The following TMEM108 variants were observed in gnomAD, a reference collection of about 807,000 sequenced individuals.
The protein encoded by TMEM108 is transmembrane protein 108.
In TMEM108, 12 loss-of-function variants were observed where a neutral mutation model predicts 35.1. The ratio of observed to expected loss-of-function variants is 0.34; its 90% CI spans 0.22 to 0.55. TMEM108 has a LOEUF of 0.55. Ranked by LOEUF, TMEM108 falls within the 20% of genes least tolerant of loss-of-function variation. The pLI is 0.89. For missense variants in TMEM108, 680 were observed against 753.3 expected (o/e 0.90, Z 1.14); for synonymous variants, 287 against 308.6 (o/e 0.93, Z 0.73).
At chr3:133,329,735 A>C (rs138078265) in intron 3 of TMEM108, among the ~76,000 whole-genome samples, 2 of 152,336 alleles carry the variant, frequency 1.3e-5, no homozygotes, top group African/African-American at 4.8e-5. Context: ...GAGCAGGAGA[A>C]AAAGCAAATT....
chr3:133,044,934 G>C (rs1943317015), intron 1 of TMEM108, among the ~76,000 whole-genome samples: 1 of 150,934 alleles, frequency 6.6e-6, no homozygotes, highest in African/African-American at 2.4e-5. Context: ...GTGAGACCCT[G>C]TCTCTTAAAA....
chr3:133,301,401 T>C (rs1947223194), intron 3 of TMEM108, among the ~76,000 whole-genome samples: 1 of 152,178 alleles, frequency 6.6e-6, no homozygotes, highest in Non-Finnish European at 1.5e-5. Context: ...GCTCACCTCA[T>C]AGGTTTAACC....
intron 2 of TMEM108, among the ~76,000 whole-genome samples, chr3:133,080,229 C>T (rs930546183): frequency 2.0e-5 from 3 of 152,132 alleles, no homozygotes; most frequent in East Asian, 1.9e-4. Context: ...CCACTGTCTG[C>T]GGCCCCTTCT....
At position 133,201,371 on chromosome 3, in the gene TMEM108, A is replaced by G. The variant is rs28373194; in HGVS notation, c.-46-27895A>G. Among the ~76,000 whole-genome samples, 800 of 152,214 alleles carry G rather than the reference A, an allele frequency of 5.3e-3. 7 individuals are homozygous for G. Among genetic ancestry groups the G allele is most frequent in the African/African-American group, 0.018 (753 of 41,528 alleles). Reference sequence around the variant, plus strand: ...GTGCAGGTTTGTTACATAGGTATACATGTGCCATGGTGGTTTGCTGCACCC... The same window carrying G: ...GTGCAGGTTTGTTACATAGGTATACGTGTGCCATGGTGGTTTGCTGCACCC... On this transcript the variant is annotated intron_variant, in intron 2 of 5. Coordinates refer to ENST00000321871, the MANE Select transcript of TMEM108 (RefSeq NM_023943.4).
chr3:133,251,514 A>C (rs373798900), intron 3 of TMEM108, among the ~76,000 whole-genome samples: 3 of 152,274 alleles, frequency 2.0e-5, no homozygotes. Context: ...ACTCATAGGA[A>C]ATTTCAAAAC....
chr3:133,242,317 G>A (rs903533145), intron 3 of TMEM108, among the ~76,000 whole-genome samples: 1 of 152,148 alleles, frequency 6.6e-6, no homozygotes, highest in African/African-American at 2.4e-5. Context: ...GACACACTTA[G>A]CATAGTGCCG....
chr3:133,044,333 ACTT>A (rs1357132729), intron 1 of TMEM108, among the ~76,000 whole-genome samples: 1 of 152,112 alleles, frequency 6.6e-6, no homozygotes, highest in East Asian at 1.9e-4. Flanking sequence ...AGTCGTGACT[ACTT>A]TGTTTCCTGT....
chr3:133,367,191 C>A (rs907971544), intron 3 of TMEM108, among the ~76,000 whole-genome samples: 1 of 152,194 alleles, frequency 6.6e-6, no homozygotes. Flanking sequence ...GCTTGGAATT[C>A]CAAGCACACA....
At chr3:133,050,838 A>G (rs1454667494) in intron 2 of TMEM108, among the ~76,000 whole-genome samples, 7 of 152,032 alleles carry the variant, frequency 4.6e-5, no homozygotes. Context: ...ATGGTTTGAT[A>G]GCTCATTTCC....
At chr3:133,206,833 C>G (rs983298079) in intron 2 of TMEM108, among the ~76,000 whole-genome samples, 1 of 152,188 alleles carries the variant, frequency 6.6e-6, no homozygotes, top group Non-Finnish European at 1.5e-5. Flanking sequence ...GAGCACTGTG[C>G]TGGGAGATCC....
intron 3 of TMEM108, among the ~76,000 whole-genome samples, chr3:133,338,691 C>T (rs1414184830): frequency 5.9e-5 from 9 of 152,046 alleles, no homozygotes; most frequent in South Asian, 2.1e-4. Flanking sequence ...GTAAACTGCT[C>T]ATATCTTAAA....
rs1945244303 is a variant in TMEM108 at position 133,177,118 on chromosome 3, A to G, written c.-46-52148A>G. Among the ~76,000 whole-genome samples the G allele has an allele frequency of 2.0e-5, 3 of 152,362 alleles. No homozygotes were observed. The South Asian group carries it at 6.2e-4, about 32-fold the overall frequency. On this transcript the variant is annotated intron_variant, in intron 2 of 5. Transcript: ENST00000321871. ...ACACCCTCCCAAGACTAAACCAGGA[A>G]GAAGTTGAATCTCTGAATAGACCAA...
intron 2 of TMEM108, among the ~76,000 whole-genome samples, chr3:133,143,206 G>C (rs1944664950): frequency 6.6e-6 from 1 of 152,134 alleles, no homozygotes; most frequent in African/African-American, 2.4e-5. Flanking sequence ...TTACATTCCA[G>C]GGGTGAATTG....
In TMEM108 at chr3:133,180,576, C is replaced by G. The variant is rs114790088; in HGVS notation, c.-46-48690C>G. ...CAATATGAGAGAATCCACAAAAAAC[C>G]TTTCCCCAAACTAATTCCTAATATT... On this transcript the variant is annotated intron_variant, in intron 2 of 5. Transcript: ENST00000321871. Among the ~76,000 whole-genome samples, 274 of 152,012 alleles carry G rather than the reference C, an allele frequency of 1.8e-3. 1 individual carries two copies. Among genetic ancestry groups the G allele is most frequent in the African/African-American group, 6.1e-3 (254 of 41,488 alleles).
chr3:133,330,736 A>T (rs1189150883), intron 3 of TMEM108, among the ~76,000 whole-genome samples: 1 of 152,114 alleles, frequency 6.6e-6, no homozygotes, highest in Non-Finnish European at 1.5e-5. Flanking sequence ...TCATATTTTG[A>T]TGCTGACCAA....
chr3:133,317,705 C>G (rs1246530478), intron 3 of TMEM108, among the ~76,000 whole-genome samples: 1 of 152,178 alleles, frequency 6.6e-6, no homozygotes, highest in Non-Finnish European at 1.5e-5. Context: ...TTCAATATAA[C>G]TCCATCCAGC....
intron 2 of TMEM108, among the ~76,000 whole-genome samples, chr3:133,128,205 C>A (rs1944442511): frequency 6.6e-6 from 1 of 152,150 alleles, no homozygotes; most frequent in Admixed American, 6.5e-5. Context: ...TCTTGGGTAC[C>A]TGGCACTTGC....
At chr3:133,198,690 A>T (rs1945615323) in intron 2 of TMEM108, among the ~76,000 whole-genome samples, 1 of 152,226 alleles carries the variant, frequency 6.6e-6, no homozygotes, top group South Asian at 2.1e-4. Context: ...ATTAAAATTA[A>T]GTGACACTCA....
intron 3 of TMEM108, among the ~76,000 whole-genome samples, chr3:133,319,858 A>C (rs10935056): frequency 0.32 from 48,804 of 152,124 alleles, 8,574 homozygotes; most frequent in East Asian, 0.48. Flanking sequence ...GTCCTTCATG[A>C]GACCACCTCA....
Sources: gnomAD v4.1 joint callset for allele counts (sites outside exome capture counted in the v4.1 genomes callset) on GRCh38, gnomAD v4.1.1 for gene constraint, MANE v1.5 for transcripts, NCBI Gene and HGNC (gene_info 2026-07-23, HGNC 2026-07-21) for gene names.